NRCAM: variants seen among roughly 807,000 people sequenced by gnomAD.
NRCAM encodes the protein NgCAM-related cell adhesion molecule.
A neutral mutation model predicts 156.5 loss-of-function variants in NRCAM; 83 were observed. The ratio of observed to expected loss-of-function variants is 0.53; its 90% confidence interval spans 0.44 to 0.64. The LOEUF (loss-of-function observed/expected upper bound fraction) is 0.64. NRCAM is among the 30% of genes least tolerant of loss of function. NRCAM has a pLI of 0.00. For synonymous variants in NRCAM, 538 were observed against 563.9 expected (o/e 0.95, Z 0.65); for missense variants, 1,417 against 1,597.3 (o/e 0.89, Z 1.92).
intron 1 of NRCAM, among the ~76,000 whole-genome samples, chr7:108,426,934 C>T (rs1197203310): frequency 6.6e-6 from 1 of 152,184 alleles, no homozygotes; most frequent in Non-Finnish European, 1.5e-5. Context: ...TCTGTTATTG[C>T]TCCCCATTGT....
In NRCAM at chr7:108,382,222, A is replaced by AT. The variant is rs71137626; in HGVS notation, c.-174+17213dup. 4.5e-3 allele frequency among the ~76,000 whole-genome samples: 664 copies of AT among 145,964 alleles called. 4 individuals carry two copies. Among genetic ancestry groups the AT allele is most frequent in the African/African-American group, 0.012 (488 of 39,798 alleles). ...GATTTTGCTTTCCAGAGGAACAGAG[A>AT]TTTTTTTTTTTTTTGAATGTAGAAA... On this transcript the variant is annotated intron_variant, in intron 2 of 32. Coordinates refer to ENST00000379028, the MANE Select transcript of NRCAM (RefSeq NM_001037132.4).
chr7:108,311,618 G>A (rs910498256), intron 3 of NRCAM, among the ~76,000 whole-genome samples: 4 of 152,168 alleles, frequency 2.6e-5, no homozygotes, highest in Non-Finnish European at 4.4e-5. Flanking sequence ...TTAGTTTCCA[G>A]TCTACTAATT....
intron 28 of NRCAM, among the ~76,000 whole-genome samples, chr7:108,173,754 AT>A (rs1341682368): frequency 6.6e-6 from 1 of 152,154 alleles, no homozygotes; most frequent in East Asian, 1.9e-4. Flanking sequence ...CAGACACTCC[AT>A]TTTTGCTTGT....
intron 1 of NRCAM, among the ~76,000 whole-genome samples, chr7:108,423,525 A>G (rs1421024038): frequency 1.3e-5 from 2 of 152,236 alleles, no homozygotes; most frequent in Non-Finnish European, 2.9e-5. Context: ...AGCTTGCTTT[A>G]AAAGAGAACT....
intron 8 of NRCAM, among the ~76,000 whole-genome samples, chr7:108,227,943 C>A (rs1433340585): frequency 6.6e-6 from 1 of 152,140 alleles, no homozygotes; most frequent in African/African-American, 2.4e-5. Flanking sequence ...TCATGTTAAT[C>A]AAATTATTGG....
At chr7:108,177,653 A>ATACGTG (rs2061319761) in intron 26 of NRCAM, among the ~76,000 whole-genome samples, 5 of 16,430 alleles carry the variant, frequency 3.0e-4, no homozygotes, top group Admixed American at 2.0e-3. Context: ...ATATATATAT[A>ATACGTG]TATATATGTA....
At chr7:108,357,248 T>A (rs1286859972) in intron 2 of NRCAM, among the ~76,000 whole-genome samples, 1 of 152,200 alleles carries the variant, frequency 6.6e-6, no homozygotes, top group Non-Finnish European at 1.5e-5. Context: ...GTCTTTTTTT[T>A]AAAGTTCTGT....
intron 8 of NRCAM, among the ~76,000 whole-genome samples, chr7:108,227,268 T>C (rs1053459225): frequency 6.6e-6 from 1 of 152,234 alleles, no homozygotes; most frequent in Non-Finnish European, 1.5e-5. Flanking sequence ...TTATTAGTAC[T>C]TCCCCTTAGG....
intron 10 of NRCAM, among the ~76,000 whole-genome samples, chr7:108,224,134 A>G (rs962935196): frequency 2.6e-5 from 4 of 152,292 alleles, no homozygotes; most frequent in Admixed American, 6.5e-5. Context: ...TGTGGGTTAG[A>G]AAATTTTCAA....
chr7:108,370,956 G>A (rs1037556909), intron 2 of NRCAM, among the ~76,000 whole-genome samples: 4 of 152,090 alleles, frequency 2.6e-5, no homozygotes, highest in Admixed American at 2.6e-4. Context: ...ATGTTCTGAT[G>A]TTATCCACCA....
At chr7:108,159,669 C>T in intron 31 of NRCAM, 128 bp from the exon 32 acceptor site, 1 of 673,200 alleles carries the variant, frequency 1.5e-6, no homozygotes. Context: ...GTTGTATAAC[C>T]ATATATATGG....
chr7:108,198,906 C>T (rs1311568519), intron 13 of NRCAM, among the ~76,000 whole-genome samples: 4 of 152,162 alleles, frequency 2.6e-5, no homozygotes, highest in African/African-American at 9.7e-5. Context: ...GGCTGGGTAA[C>T]ACAGTATGTG....
intron 14 of NRCAM, among the ~76,000 whole-genome samples, chr7:108,196,436 T>C (rs2075144476): frequency 6.6e-6 from 1 of 152,196 alleles, no homozygotes; most frequent in African/African-American, 2.4e-5. Context: ...ACCATGTATC[T>C]GGTAAGGGGT....
chr7:108,187,764 G>A (rs2067974274), intron 20 of NRCAM, among the ~76,000 whole-genome samples: 1 of 151,872 alleles, frequency 6.6e-6, no homozygotes, highest in African/African-American at 2.4e-5. Context: ...ATTCTGGCTA[G>A]TACGGCAAAA....
intron 2 of NRCAM, among the ~76,000 whole-genome samples, chr7:108,344,737 G>A (rs777379442): frequency 6.6e-6 from 1 of 152,082 alleles, no homozygotes; most frequent in African/African-American, 2.4e-5. Flanking sequence ...GAGCTATTGG[G>A]TATAGATAGA....
intron 10 of NRCAM, among the ~76,000 whole-genome samples, chr7:108,224,443 T>G (rs1004329510): frequency 6.6e-6 from 1 of 152,042 alleles, no homozygotes; most frequent in Admixed American, 6.6e-5. Flanking sequence ...GTTAAATAAA[T>G]GGAAATCATT....
intron 3 of NRCAM, among the ~76,000 whole-genome samples, chr7:108,241,915 T>C (rs1329928946): frequency 3.9e-5 from 6 of 152,154 alleles, no homozygotes; most frequent in African/African-American, 1.4e-4. Context: ...CATATTTTGC[T>C]AGCAATCAAG....
intron 32 of NRCAM, among the ~76,000 whole-genome samples, chr7:108,153,756 G>A (rs1023577856): frequency 1.3e-5 from 2 of 152,054 alleles, no homozygotes; most frequent in Non-Finnish European, 2.9e-5. Context: ...TACAAGATTA[G>A]CATAAAAGTC....
intron 1 of NRCAM, among the ~76,000 whole-genome samples, chr7:108,439,176 G>T (rs1040909356): frequency 1.3e-5 from 2 of 152,076 alleles, no homozygotes; most frequent in African/African-American, 4.8e-5. Flanking sequence ...GTGAAGTTGA[G>T]TGAGGAGATA....
Sources: allele counts gnomAD v4.1 joint callset (sites outside exome capture counted in the v4.1 genomes callset), GRCh38; gene constraint gnomAD v4.1.1; transcripts MANE v1.5; gene names NCBI Gene and HGNC (gene_info 2026-07-23, HGNC 2026-07-21).